SCHIP1: variants seen among roughly 807,000 people sequenced by gnomAD.
The protein encoded by SCHIP1 is schwannomin interacting protein 1.
A neutral mutation model predicts 29.7 loss-of-function variants in SCHIP1; 8 were observed. That is an observed-to-expected ratio of 0.27 (90% CI 0.16 to 0.49). SCHIP1 has a LOEUF of 0.49. Ranked by LOEUF, SCHIP1 falls within the 20% of genes least tolerant of loss-of-function variation. SCHIP1 has a pLI of 0.99. For missense variants in SCHIP1, 193 were observed against 294.6 expected, an observed-to-expected ratio of 0.66 and a Z score of 2.52; for synonymous variants, 76 against 94.9, an observed-to-expected ratio of 0.80 and a Z score of 1.16.
the SCHIP1 span, among the ~76,000 whole-genome samples, chr3:159,326,536 GTTATT>G: frequency 6.6e-6 from 1 of 151,942 alleles, no homozygotes; most frequent in South Asian, 2.1e-4. Flanking sequence ...TTAAGGTCCA[GTTATT>G]TTATTAATTT....
chr3:159,641,052 G>A, the SCHIP1 span, among the ~76,000 whole-genome samples: 7 of 152,200 alleles, frequency 4.6e-5, no homozygotes, highest in African/African-American at 1.4e-4. Context: ...CTAAATTAGG[G>A]TATCCAACAT....
At chr3:159,545,986 A>T in the SCHIP1 span, among the ~76,000 whole-genome samples, 1 of 151,982 alleles carries the variant, frequency 6.6e-6, no homozygotes, top group South Asian at 2.1e-4. Flanking sequence ...TACATATTTT[A>T]TAAGATGTAT....
At chr3:159,804,478 T>A in the SCHIP1 span, among the ~76,000 whole-genome samples, 3 of 152,250 alleles carry the variant, frequency 2.0e-5, no homozygotes, top group African/African-American at 7.2e-5. Flanking sequence ...AGGCAGGCCA[T>A]GAGTATACAA....
the SCHIP1 span, among the ~76,000 whole-genome samples, chr3:159,555,030 A>G: frequency 0.016 from 2,441 of 152,248 alleles, 34 homozygotes; most frequent in Non-Finnish European, 0.025. Context: ...CCAGCACCAC[A>G]CACACATATT....
chr3:159,541,268 A>C, the SCHIP1 span, among the ~76,000 whole-genome samples: 1 of 152,110 alleles, frequency 6.6e-6, no homozygotes, highest in Non-Finnish European at 1.5e-5. Flanking sequence ...AAAACGGGCA[A>C]TATGTGTTTT....
chr3:159,727,094 G>A, the SCHIP1 span, among the ~76,000 whole-genome samples: 18 of 152,142 alleles, frequency 1.2e-4, no homozygotes, highest in Non-Finnish European at 2.4e-4. Flanking sequence ...AGAAACTTTG[G>A]TCAGGCTCCA....
chr3:159,847,833 T>G (rs886493951), intron 1 of SCHIP1, among the ~76,000 whole-genome samples: 1 of 152,242 alleles, frequency 6.6e-6, no homozygotes, highest in Non-Finnish European at 1.5e-5. Flanking sequence ...TTTTCATGGC[T>G]TTTCTAGCTA....
chr3:159,668,376 C>CAAAAAAAAAAAAAA, the SCHIP1 span, among the ~76,000 whole-genome samples: 10 of 46,414 alleles, frequency 2.2e-4, no homozygotes, highest in African/African-American at 9.6e-4. Context: ...GACTCCGTCT[C>CAAAAAAAAAAAAAA]AAAAAAAAAA....
the SCHIP1 span, chr3:159,401,192 A>C: frequency 1.0e-6 from 1 of 967,568 alleles, no homozygotes. Flanking sequence ...TATTACACAA[A>C]TAAATACATG....
At chr3:159,752,720 A>G in the SCHIP1 span, among the ~76,000 whole-genome samples, 1 of 152,108 alleles carries the variant, frequency 6.6e-6, no homozygotes, top group Non-Finnish European at 1.5e-5. Context: ...GTGCTAATCC[A>G]TTCCTGAGAT....
the SCHIP1 span, among the ~76,000 whole-genome samples, chr3:159,399,225 T>A: frequency 6.6e-6 from 1 of 152,206 alleles, no homozygotes; most frequent in Non-Finnish European, 1.5e-5. Context: ...CTTACCAAGA[T>A]CACACTGTTT....
the SCHIP1 span, among the ~76,000 whole-genome samples, chr3:159,582,781 TATATATACACACAC>T: frequency 1.1e-5 from 1 of 88,442 alleles, no homozygotes; most frequent in African/African-American, 3.9e-5. Context: ...AACTGAAATA[TATATATACACACAC>T]ACACACACAC....
At chr3:159,721,511 C>G in the SCHIP1 span, 1 of 157,972 alleles carries the variant, frequency 6.3e-6, no homozygotes, top group African/African-American at 2.4e-5. Context: ...ACATTCCATT[C>G]TACACATCTC....
the SCHIP1 span, among the ~76,000 whole-genome samples, chr3:159,793,458 G>T: frequency 2.0e-5 from 3 of 152,146 alleles, no homozygotes; most frequent in Non-Finnish European, 4.4e-5. Context: ...AAACTTGGCG[G>T]GTTAAAACAA....
the SCHIP1 span, among the ~76,000 whole-genome samples, chr3:159,565,954 G>A: frequency 6.6e-6 from 1 of 152,212 alleles, no homozygotes; most frequent in South Asian, 2.1e-4. Context: ...ATATGTCAGG[G>A]CAAACATGAC....
chr3:159,725,857 T>C, the SCHIP1 span, among the ~76,000 whole-genome samples: 2 of 152,112 alleles, frequency 1.3e-5, no homozygotes, highest in African/African-American at 4.8e-5. Flanking sequence ...ATTTAAATAC[T>C]CCTAAGCACA....
At chr3:159,817,732 A>C in the SCHIP1 span, among the ~76,000 whole-genome samples, 1 of 152,016 alleles carries the variant, frequency 6.6e-6, no homozygotes, top group Non-Finnish European at 1.5e-5. Context: ...ATGGAGTGTA[A>C]CCTGTTACCT....
the SCHIP1 span, among the ~76,000 whole-genome samples, chr3:159,290,131 A>G: frequency 4.0e-3 from 611 of 152,354 alleles, 2 homozygotes; most frequent in African/African-American, 0.014. Context: ...TCCATCGAAG[A>G]CAACTAAAAA....
At chr3:159,797,647 A>G in the SCHIP1 span, among the ~76,000 whole-genome samples, 1 of 150,910 alleles carries the variant, frequency 6.6e-6, no homozygotes, top group Non-Finnish European at 1.5e-5. Flanking sequence ...ATCTTGGCTC[A>G]CTGCAAGCTC....
Sources: gnomAD v4.1 joint callset for allele counts (sites outside exome capture counted in the v4.1 genomes callset) on GRCh38, gnomAD v4.1.1 for gene constraint, MANE v1.5 for transcripts, NCBI Gene and HGNC (gene_info 2026-07-23, HGNC 2026-07-21) for gene names.